CAPN8: variants seen among roughly 807,000 people sequenced by gnomAD.
CAPN8 encodes calpain 8.
CAPN8 carries 87 observed loss-of-function variants against 80.9 expected under a neutral mutation model. The observed-to-expected ratio is 1.07, with a 90% CI of 0.90 to 1.28. The LOEUF is 1.28. CAPN8 is among the 50% of genes most tolerant of loss of function. The probability of loss-of-function intolerance (pLI) is 0.00; values close to 1 mark genes in which losing one functional copy is unlikely to be tolerated. For missense variants in CAPN8, 757 were observed against 702.0 expected, an observed-to-expected ratio of 1.08 and a Z score of -0.89; for synonymous variants, 299 against 273.8, an observed-to-expected ratio of 1.09 and a Z score of -0.91.
At chr1:223,640,127 A>AT (rs1658007979) in intron 2 of CAPN8, among the ~76,000 whole-genome samples, 2 of 151,712 alleles carry the variant, frequency 1.3e-5, no homozygotes, top group South Asian at 4.2e-4. Flanking sequence ...CCTTGCTAGC[A>AT]TTTTTTCACC....
chr1:223,612,239 C>T lies in CAPN8; in HGVS notation c.1323+7G>A. ...AAAGGAAGGAATCTCTGTCAGCACT[C>T]ACATACCTCCTTGGGAACCTGTGGG... is the stretch of plus-strand genomic sequence containing the variant. On this transcript the variant is annotated splice_region_variant and intron_variant, in intron 11 of 20. Coordinates refer to ENST00000366872, the MANE Select transcript of CAPN8 (RefSeq NM_001143962.2). The T allele has an allele frequency of 4.1e-6, 5 of 1,234,330 alleles. No individual in the cohort carries two copies. The highest frequency in any genetic ancestry group is 5.1e-6 in the Non-Finnish European group (5 of 988,118). The allele number at this position is 1,234,330 out of a possible 1,614,324, so 76.5% of individuals were successfully genotyped here.
chr1:223,644,970 A>G (rs891430455), intron 2 of CAPN8, among the ~76,000 whole-genome samples: 21 of 152,190 alleles, frequency 1.4e-4, no homozygotes, highest in Non-Finnish European at 1.2e-4. Context: ...ATTGATTCAC[A>G]CGGTCACAAG....
intron 9 of CAPN8, 109 bp downstream of exon 9, chr1:223,619,184 G>T: frequency 7.7e-7 from 1 of 1,295,788 alleles, no homozygotes; most frequent in Non-Finnish European, 1.1e-6. Context: ...ACAGAGCAAG[G>T]CCCTGTCTCA....
intron 1 of CAPN8, among the ~76,000 whole-genome samples, chr1:223,664,950 A>G (rs1375517285): frequency 6.6e-6 from 1 of 152,038 alleles, no homozygotes; most frequent in East Asian, 1.9e-4. Flanking sequence ...AAAAAAAATA[A>G]GAGTTCAAAA....
At chr1:223,661,102 G>T (rs766007034) in intron 1 of CAPN8, among the ~76,000 whole-genome samples, 41 of 151,792 alleles carry the variant, frequency 2.7e-4, no homozygotes, top group Non-Finnish European at 4.9e-4. Context: ...GGAGGCAGAG[G>T]TTGCAGTGAG....
At chr1:223,626,261 C>T (rs542822072) in intron 5 of CAPN8, among the ~76,000 whole-genome samples, 1 of 152,162 alleles carries the variant, frequency 6.6e-6, no homozygotes, top group Admixed American at 6.5e-5. Context: ...TGAGTGGACT[C>T]CTCATTACCC....
At chr1:223,645,290 A>C (rs537726974) in intron 2 of CAPN8, among the ~76,000 whole-genome samples, 2 of 152,274 alleles carry the variant, frequency 1.3e-5, no homozygotes, top group Admixed American at 1.3e-4. Flanking sequence ...GATGGTGCCC[A>C]CCCAGATTGA....
At chr1:223,634,114 A>G (rs1157212244) in intron 2 of CAPN8, among the ~76,000 whole-genome samples, 4 of 152,306 alleles carry the variant, frequency 2.6e-5, no homozygotes, top group Admixed American at 2.6e-4. Flanking sequence ...AGAAGATGAG[A>G]GACAACGGAA....
At chr1:223,665,188 G>T (rs1658752042) in intron 1 of CAPN8, among the ~76,000 whole-genome samples, 1 of 152,296 alleles carries the variant, frequency 6.6e-6, no homozygotes, top group East Asian at 1.9e-4. Context: ...AGGAGGTAGA[G>T]GTTGCAGTGA....
chr1:223,651,333 C>G (rs1451679447), intron 2 of CAPN8, among the ~76,000 whole-genome samples: 1 of 152,214 alleles, frequency 6.6e-6, no homozygotes, highest in Non-Finnish European at 1.5e-5. Context: ...TCATACTGTC[C>G]TCCTTCAGGG....
chr1:223,617,103 A>G lies in CAPN8; in HGVS notation c.1136-958T>C, dbSNP rs572994507. 9.3e-4 allele frequency: 141 copies of G among 152,308 alleles called. 1 individual carries two copies. Among genetic ancestry groups the G allele is most frequent in the African/African-American group, 3.2e-3 (133 of 41,568 alleles). 9.4% of individuals were successfully genotyped at this position (152,308 alleles called of 1,614,324 possible). The stretch of plus-strand genomic sequence containing the variant: ...CAATTTCAATAATGATGTGCCCGGG[A>G]GGAAAAAAGAAGTGGAAGGGCATGG... On this transcript the variant is annotated intron_variant, in intron 9 of 20. Coordinates refer to ENST00000366872, the MANE Select transcript of CAPN8 (RefSeq NM_001143962.2).
At position 223,615,988 on chromosome 1, in the gene CAPN8, G is replaced by A. The variant is rs910488145; in HGVS notation, c.1293C>T (p.Ile431=). The A allele has an allele frequency of 8.1e-5, 125 of 1,552,154 alleles. No individual in the cohort carries two copies. Among genetic ancestry groups the A allele is most frequent in the Non-Finnish European group, 9.1e-5 (104 of 1,147,136 alleles). ...GCAGTACCTGGTAGACGGCATAGCC[G>A]ATGCTAAGCATGCCTTGTCCTATCC... is the stretch of plus-strand genomic sequence containing the variant. The part of the protein sequence containing the change: ...RKRIGQGMLS[I]GYAVYQVPKE... Residue 431 remains isoleucine (I), a synonymous_variant, in exon 10 of 21, where the codon ATC becomes ATT. Transcript: ENST00000366872.
At chr1:223,657,381 AAAG>A (rs1234375302) in intron 1 of CAPN8, among the ~76,000 whole-genome samples, 5 of 151,408 alleles carry the variant, frequency 3.3e-5, no homozygotes, top group Non-Finnish European at 7.4e-5. Context: ...GTTTTTAAAA[AAAG>A]AAGGAAAATG....
At position 223,625,819 on chromosome 1, in the gene CAPN8, T is replaced by C. The variant is rs1375408563; in HGVS notation, c.799A>G (p.Thr267Ala). Residue 267 changes from threonine (T) to alanine (A), a missense_variant, in exon 6 of 21, where the codon ACT becomes GCT. Thr to Ala is a moderately conservative substitution (Grantham distance 58). Coordinates refer to ENST00000366872, the MANE Select transcript of CAPN8 (RefSeq NM_001143962.2). ...CACAATTTTACCTCTTCGACTCCAG[T>C]GACAGAGTACGCATGACTCTTAACC... ...KLVKSHAYSVTGVEEVNFQGH... is the reference protein window; with the variant it reads ...KLVKSHAYSVAGVEEVNFQGH... 1.3e-6 allele frequency: 2 copies of C among 1,550,566 alleles called. No homozygotes were observed. The highest frequency in any genetic ancestry group is 1.2e-5 in the South Asian group (1 of 84,020).
chr1:223,634,269 A>C (rs1273750995), intron 2 of CAPN8, among the ~76,000 whole-genome samples: 1 of 152,184 alleles, frequency 6.6e-6, no homozygotes, highest in African/African-American at 2.4e-5. Flanking sequence ...TGTCTGCAGC[A>C]GTAAGGAGCA....
At chr1:223,630,271 T>C (rs554439319) in intron 2 of CAPN8, among the ~76,000 whole-genome samples, 1 of 149,010 alleles carries the variant, frequency 6.7e-6, no homozygotes, top group Non-Finnish European at 1.5e-5. Context: ...TTTTTGTCTG[T>C]CTGTCTCTCT....
At chr1:223,622,084 G>C (rs529562381) in intron 7 of CAPN8, among the ~76,000 whole-genome samples, 1 of 152,258 alleles carries the variant, frequency 6.6e-6, no homozygotes, top group African/African-American at 2.4e-5. Flanking sequence ...AGGATTACAG[G>C]CCTGAGCCAC....
chr1:223,556,418 C>A (rs1656907204), intron 13 of CAPN8, among the ~76,000 whole-genome samples: 1 of 152,128 alleles, frequency 6.6e-6, no homozygotes, highest in Non-Finnish European at 1.5e-5. Flanking sequence ...GATATGGGAA[C>A]CCTTGAATGG....
At chr1:223,624,078 A>C (rs1169644715) in intron 6 of CAPN8, among the ~76,000 whole-genome samples, 1 of 151,858 alleles carries the variant, frequency 6.6e-6, no homozygotes, top group African/African-American at 2.4e-5. Flanking sequence ...ATTTAACTCT[A>C]TTTATTTATT....
Sources: allele counts gnomAD v4.1 joint callset (sites outside exome capture counted in the v4.1 genomes callset), GRCh38; gene constraint gnomAD v4.1.1; transcripts MANE v1.5; gene names NCBI Gene and HGNC (gene_info 2026-07-23, HGNC 2026-07-21).